Variants in ARHGEF28 observed in about 807,000 individuals in gnomAD.
ARHGEF28 encodes 190 kDa guanine nucleotide exchange factor.
ARHGEF28 carries 152 observed loss-of-function variants against 206.6 expected under a neutral mutation model. The ratio of observed to expected loss-of-function variants is 0.74; its 90% CI spans 0.64 to 0.84. The LOEUF is 0.84. Among genes scored for constraint, ARHGEF28 ranks in the 40% least tolerant of loss-of-function variants. ARHGEF28 has a pLI of 0.00. For synonymous variants in ARHGEF28, 763 were observed against 776.4 expected, an observed-to-expected ratio of 0.98 and a Z score of 0.29; for missense variants, 2,028 against 2,073.2, an observed-to-expected ratio of 0.98 and a Z score of 0.42.
intron 2 of ARHGEF28, among the ~76,000 whole-genome samples, chr5:73,718,852 G>C (rs566306785): frequency 6.6e-6 from 1 of 152,120 alleles, no homozygotes; most frequent in African/African-American, 2.4e-5. Flanking sequence ...CATCCACACC[G>C]CACTAGAACT....
chr5:73,663,364 A>T (rs569363180), intron 1 of ARHGEF28, among the ~76,000 whole-genome samples: 10 of 152,336 alleles, frequency 6.6e-5, no homozygotes, highest in African/African-American at 2.2e-4. Context: ...CGAGTGCTGG[A>T]TCTGCTCTCT....
In ARHGEF28 at chr5:73,904,231, A is replaced by G. The variant is rs1201591620; in HGVS notation, c.4084A>G (p.Arg1362Gly). 1.2e-6 allele frequency: 2 copies of G among 1,613,902 alleles called. No homozygotes were observed. The highest frequency in any genetic ancestry group is 3.3e-5 in the Admixed American group (2 of 60,030). The change falls in exon 32 of 36, where the codon AGA (arginine) becomes GGA (glycine). Residue 1362 changes from arginine to glycine, a missense_variant. Arg to Gly is a moderately radical substitution (Grantham distance 125). Coordinates refer to ENST00000513042, the MANE Select transcript of ARHGEF28 (RefSeq NM_001177693.2). Reference protein sequence around the residue: ...VSDAGEKVECRNFPGSSQSEI... With the variant: ...VSDAGEKVECGNFPGSSQSEI... Reference sequence around the variant, plus strand: ...TTTTTATGTATTTTAGGTGGAATGTAGAAATTTTCCAGGTTCTTCACAATC... The same window carrying G: ...TTTTTATGTATTTTAGGTGGAATGTGGAAATTTTCCAGGTTCTTCACAATC...
intron 29 of ARHGEF28, among the ~76,000 whole-genome samples, chr5:73,897,141 C>T (rs982912507): frequency 1.3e-5 from 2 of 152,210 alleles, no homozygotes; most frequent in Non-Finnish European, 2.9e-5. Context: ...TCCATCCTTC[C>T]AGGTCCTGCT....
chr5:73,844,403 A>G (rs1758172254), intron 11 of ARHGEF28, among the ~76,000 whole-genome samples: 1 of 152,190 alleles, frequency 6.6e-6, no homozygotes, highest in Non-Finnish European at 1.5e-5. Flanking sequence ...TCCGTCTCAG[A>G]TTGTTGTACT....
chr5:73,868,623 C>T (rs1759864263), intron 20 of ARHGEF28, among the ~76,000 whole-genome samples: 1 of 152,108 alleles, frequency 6.6e-6, no homozygotes, highest in Non-Finnish European at 1.5e-5. Context: ...GAGATACTTA[C>T]CCCATCTGTT....
rs1385973088 is a variant in ARHGEF28, at chr5:73,933,394, T to A, written c.4949-7450T>A. Among the ~76,000 whole-genome samples the A allele has an allele frequency of 6.6e-5, 10 of 152,322 alleles. No homozygotes were observed. The East Asian group carries it at 1.9e-3, about 29-fold the overall frequency. The stretch of plus-strand genomic sequence containing the variant: ...TTATAGCGTAGGTTCACACAATTTG[T>A]GTATCTTTCTAAATAGATATAAATC... On this transcript the variant is annotated intron_variant, in intron 35 of 35. Transcript: ENST00000513042.
chr5:73,866,506 T>C (rs1268288837), intron 18 of ARHGEF28, among the ~76,000 whole-genome samples: 2 of 152,380 alleles, frequency 1.3e-5, no homozygotes, highest in South Asian at 2.1e-4. Context: ...TAGATTCTTA[T>C]CAGTTTCTGT....
At chr5:73,831,306 G>C (rs1757286922) in intron 9 of ARHGEF28, among the ~76,000 whole-genome samples, 1 of 152,176 alleles carries the variant, frequency 6.6e-6, no homozygotes. Context: ...AACTAGCCAA[G>C]GTCACAAGAC....
Position 73,904,139 on chromosome 5 carries a change from A to G in ARHGEF28, c.4075-83A>G. Reference sequence around the variant, plus strand: ...TTAGAGATAGCAAAGTGATTTACCCAAGGTCATACATTTTGGGACACTGCA... The same window carrying G: ...TTAGAGATAGCAAAGTGATTTACCCGAGGTCATACATTTTGGGACACTGCA... On this transcript the variant is annotated intron_variant, in intron 31 of 35. Transcript: ENST00000513042. 6.6e-6 allele frequency: 9 copies of G among 1,355,340 alleles called. No individual in the cohort carries two copies. In the South Asian group the frequency reaches 7.1e-5, roughly 11 times the overall value. 84.0% of individuals were successfully genotyped at this position (1,355,340 alleles called of 1,614,324 possible). A position where few individuals can be genotyped will look rare whatever the true frequency, so the allele number is the denominator to read the frequency against.
intron 16 of ARHGEF28, among the ~76,000 whole-genome samples, chr5:73,858,452 C>A (rs750263076): frequency 1.6e-4 from 25 of 152,156 alleles, no homozygotes; most frequent in Non-Finnish European, 3.1e-4. Flanking sequence ...GTCTAAAGAG[C>A]GTCTCAGATG....
At chr5:73,741,339 ATATGTGTGTG>A (rs1468091513) in intron 2 of ARHGEF28, among the ~76,000 whole-genome samples, 2 of 80,446 alleles carry the variant, frequency 2.5e-5, no homozygotes, top group African/African-American at 1.2e-4. Context: ...TTTTAAATTT[ATATGTGTGTG>A]TGTGTGTGTG....
intron 3 of ARHGEF28, among the ~76,000 whole-genome samples, chr5:73,750,204 C>G (rs955236945): frequency 6.6e-6 from 1 of 152,114 alleles, no homozygotes; most frequent in African/African-American, 2.4e-5. Flanking sequence ...TAACTTAGAC[C>G]AGGCAGACCC....
chr5:73,919,723 A>C (rs1342175816), intron 35 of ARHGEF28, among the ~76,000 whole-genome samples: 1 of 152,248 alleles, frequency 6.6e-6, no homozygotes, highest in Non-Finnish European at 1.5e-5. Flanking sequence ...TTTAAGTCTA[A>C]AGATTCTGTT....
At chr5:73,862,825 T>G (rs1335568265) in intron 16 of ARHGEF28, among the ~76,000 whole-genome samples, 1 of 151,664 alleles carries the variant, frequency 6.6e-6, no homozygotes. Context: ...TGTGGTTCTT[T>G]GTTTAGCTTG....
chr5:73,802,802 T>C (rs76251275), intron 9 of ARHGEF28, among the ~76,000 whole-genome samples: 1 of 151,734 alleles, frequency 6.6e-6, no homozygotes, highest in Non-Finnish European at 1.5e-5. Flanking sequence ...AGAATACCCA[T>C]GTATATAGGC....
intron 2 of ARHGEF28, among the ~76,000 whole-genome samples, chr5:73,715,449 A>G (rs1448095460): frequency 6.6e-6 from 1 of 152,208 alleles, no homozygotes; most frequent in African/African-American, 2.4e-5. Flanking sequence ...CCACTTCCGT[A>G]TTATAAGGTA....
intron 5 of ARHGEF28, among the ~76,000 whole-genome samples, chr5:73,775,283 A>G (rs1212904819): frequency 1.3e-5 from 2 of 152,192 alleles, no homozygotes. Context: ...GGTCTAATAA[A>G]TCCATTCATG....
intron 7 of ARHGEF28, among the ~76,000 whole-genome samples, chr5:73,784,987 T>C (rs2086861600): frequency 6.6e-6 from 1 of 152,182 alleles, no homozygotes; most frequent in Admixed American, 6.5e-5. Flanking sequence ...ATAAGGACAC[T>C]GGACAATGAA....
intron 21 of ARHGEF28, among the ~76,000 whole-genome samples, chr5:73,871,391 A>C (rs1031141813): frequency 2.6e-5 from 4 of 152,234 alleles, no homozygotes; most frequent in African/African-American, 9.6e-5. Flanking sequence ...GGAAATAATA[A>C]TTCAAAGTTG....
Sources: gnomAD v4.1 joint callset for allele counts (sites outside exome capture counted in the v4.1 genomes callset) on GRCh38, gnomAD v4.1.1 for gene constraint, MANE v1.5 for transcripts, NCBI Gene and HGNC (gene_info 2026-07-23, HGNC 2026-07-21) for gene names.